The following ARHGEF28 variants were observed in gnomAD, a reference collection of about 807,000 sequenced individuals.
The protein encoded by ARHGEF28 is Rho guanine nucleotide exchange factor 28.
Under a neutral mutation model 206.6 loss-of-function variants are expected in ARHGEF28, and 152 were observed. The ratio of observed to expected loss-of-function variants is 0.74; its 90% confidence interval spans 0.64 to 0.84. The LOEUF (loss-of-function observed/expected upper bound fraction) is 0.84. Among genes scored for constraint, ARHGEF28 ranks in the 40% least tolerant of loss-of-function variants. The pLI, the probability that ARHGEF28 is intolerant of heterozygous loss-of-function variation, is 0.00. For missense variants in ARHGEF28, 2,028 were observed against 2,073.2 expected, an observed-to-expected ratio of 0.98 and a Z score of 0.42; for synonymous variants, 763 against 776.4, an observed-to-expected ratio of 0.98 and a Z score of 0.29.
chr5:73,849,049 G>T lies in ARHGEF28; in HGVS notation c.1709G>T (p.Arg570Leu), dbSNP rs559115158. ...SSPKISLGKT[R>L]LVRELTVCSS... is the part of the protein sequence containing the mutation. ...CCCAAAATTTCTTTAGGAAAAACTC[G>T]TTTGGTGCGTGAATTAACAGTATGC... The change falls in exon 13 of 36, where the codon CGT (arginine) becomes CTT (leucine). Residue 570 changes from arginine (R) to leucine (L), a missense_variant. Transcript: ENST00000513042. 6.3e-7 allele frequency: 1 copy of T among 1,574,844 alleles called. No individual in the cohort carries two copies. The highest frequency in any genetic ancestry group is 8.6e-7 in the Non-Finnish European group (1 of 1,157,986).
At chr5:73,817,187 CT>C (rs1306353391) in intron 9 of ARHGEF28, among the ~76,000 whole-genome samples, 7 of 152,134 alleles carry the variant, frequency 4.6e-5, no homozygotes, top group Non-Finnish European at 8.8e-5. Flanking sequence ...TCGTTCTCTC[CT>C]TCCCCAGCTC....
At chr5:73,812,398 C>T (rs974183192) in intron 9 of ARHGEF28, among the ~76,000 whole-genome samples, 5 of 152,196 alleles carry the variant, frequency 3.3e-5, no homozygotes, top group African/African-American at 7.2e-5. Flanking sequence ...TTTCCAATGT[C>T]GTTTAGTTTA....
intron 9 of ARHGEF28, among the ~76,000 whole-genome samples, chr5:73,799,253 G>A (rs1408270103): frequency 6.6e-6 from 1 of 152,156 alleles, no homozygotes; most frequent in East Asian, 1.9e-4. Context: ...GGGAAATGGA[G>A]TAGATGGGGA....
At chr5:73,731,608 T>G (rs1246377863) in intron 2 of ARHGEF28, among the ~76,000 whole-genome samples, 1 of 152,190 alleles carries the variant, frequency 6.6e-6, no homozygotes, top group Non-Finnish European at 1.5e-5. Context: ...AGGGTGGTCA[T>G]GGAATGAGAA....
intron 2 of ARHGEF28, among the ~76,000 whole-genome samples, chr5:73,721,799 G>A (rs1749965831): frequency 6.6e-6 from 1 of 152,124 alleles, no homozygotes; most frequent in Admixed American, 6.6e-5. Context: ...TAAAATTAAT[G>A]GTATCCTTGA....
chr5:73,816,849 G>C (rs1413501318), intron 9 of ARHGEF28, among the ~76,000 whole-genome samples: 2 of 152,208 alleles, frequency 1.3e-5, no homozygotes, highest in Non-Finnish European at 2.9e-5. Flanking sequence ...TGCATAGGCA[G>C]CCCCAGGACA....
At chr5:73,752,766 G>T in intron 3 of ARHGEF28, 143 bp from the exon 4 acceptor site, 2 of 870,642 alleles carry the variant, frequency 2.3e-6, no homozygotes, top group East Asian at 5.3e-5. Flanking sequence ...AGTGTGTAAG[G>T]GTAATGGGCT....
chr5:73,715,211 C>T (rs1026929532), intron 2 of ARHGEF28, among the ~76,000 whole-genome samples: 4 of 152,136 alleles, frequency 2.6e-5, no homozygotes, highest in African/African-American at 4.8e-5. Flanking sequence ...AGAAAGTCAC[C>T]GGACCCACAG....
At position 73,805,021 on chromosome 5, in the gene ARHGEF28, C is replaced by T. The variant is rs528920297; in HGVS notation, c.1024+9630C>T. 2.4e-4 allele frequency among the ~76,000 whole-genome samples: 37 copies of T among 152,218 alleles called. No homozygotes were observed. The South Asian group carries it at 7.7e-3, about 32-fold the overall frequency. On this transcript the variant is annotated intron_variant, in intron 9 of 35. Coordinates refer to ENST00000513042, the MANE Select transcript of ARHGEF28 (RefSeq NM_001177693.2). ...ACATGGGAAATTTGTCTGTTCCCCC[C>T]ATTACTTATTCAATCATTTATGTAT...
chr5:73,750,992 A>G (rs1161772405), intron 3 of ARHGEF28, among the ~76,000 whole-genome samples: 1 of 152,276 alleles, frequency 6.6e-6, no homozygotes, highest in African/African-American at 2.4e-5. Context: ...GATACCTCTT[A>G]GCTCTACCTG....
At position 73,941,166 on chromosome 5, in the gene ARHGEF28, T is replaced by A; in HGVS notation, c.*153T>A. ...TGGAAGCTCATTTTTTTGGCATGAGTCTAATTAAATTATTGAAAGCCACCC... is the reference window on the plus strand; with the variant it reads ...TGGAAGCTCATTTTTTTGGCATGAGACTAATTAAATTATTGAAAGCCACCC... On this transcript the variant is annotated 3_prime_UTR_variant, in exon 36 of 36. Transcript: ENST00000513042. The A allele has an allele frequency of 1.5e-6, 1 of 688,174 alleles. No homozygotes were observed. Among genetic ancestry groups the A allele is most frequent in the Non-Finnish European group, 2.0e-6 (1 of 490,172 alleles). 42.6% of individuals were successfully genotyped at this position (688,174 alleles called of 1,614,324 possible). A position where few individuals can be genotyped will look rare whatever the true frequency, so the allele number is the denominator to read the frequency against.
At chr5:73,913,268 T>C (rs75110598) in intron 35 of ARHGEF28, among the ~76,000 whole-genome samples, 115 of 152,294 alleles carry the variant, frequency 7.6e-4, no homozygotes, top group African/African-American at 2.6e-3. Context: ...TCCTGGTTTA[T>C]ATAAGTAGGG....
intron 1 of ARHGEF28, among the ~76,000 whole-genome samples, chr5:73,665,269 T>G (rs1341017214): frequency 1.3e-5 from 2 of 152,208 alleles, no homozygotes; most frequent in African/African-American, 4.8e-5. Flanking sequence ...AAACATATCA[T>G]TGAGGTACAG....
At chr5:73,839,265 C>T (rs1460956686) in intron 10 of ARHGEF28, among the ~76,000 whole-genome samples, 2 of 152,090 alleles carry the variant, frequency 1.3e-5, no homozygotes, top group African/African-American at 4.8e-5. Context: ...TATTAAGTAC[C>T]ATGTCAGGAG....
At chr5:73,925,693 G>A (rs956912277) in intron 35 of ARHGEF28, among the ~76,000 whole-genome samples, 2 of 152,088 alleles carry the variant, frequency 1.3e-5, no homozygotes, top group Admixed American at 6.5e-5. Context: ...ATTCTAGAAT[G>A]GAATGGAATG....
intron 1 of ARHGEF28, among the ~76,000 whole-genome samples, chr5:73,635,703 A>G (rs1486714230): frequency 5.9e-5 from 9 of 152,214 alleles, no homozygotes; most frequent in African/African-American, 2.2e-4. Context: ...ATCTAATGTA[A>G]GTGTTGTCTT....
chr5:73,717,918 C>A (rs1749689043), intron 2 of ARHGEF28, among the ~76,000 whole-genome samples: 2 of 152,020 alleles, frequency 1.3e-5, no homozygotes, highest in Non-Finnish European at 2.9e-5. Flanking sequence ...ACTCTGTCAC[C>A]AGGCTGGAGT....
intron 5 of ARHGEF28, 57 bp downstream of exon 5, chr5:73,774,095 A>G (rs1753405184): frequency 6.2e-6 from 9 of 1,463,142 alleles, no homozygotes; most frequent in Non-Finnish European, 8.2e-6. Flanking sequence ...GCCAAGCATT[A>G]TAGAAAAATG....
chr5:73,819,424 T>A (rs539303802), intron 9 of ARHGEF28, among the ~76,000 whole-genome samples: 3 of 152,280 alleles, frequency 2.0e-5, no homozygotes, highest in Middle Eastern at 3.4e-3. Context: ...CCTGCCTGGG[T>A]CACAATGATT....
Sources: gnomAD v4.1 joint callset for allele counts (sites outside exome capture counted in the v4.1 genomes callset) on GRCh38, gnomAD v4.1.1 for gene constraint, MANE v1.5 for transcripts, NCBI Gene and HGNC (gene_info 2026-07-23, HGNC 2026-07-21) for gene names.